PXK: variants seen among roughly 807,000 people sequenced by gnomAD.
PXK encodes PX domain containing serine/threonine kinase like.
PXK carries 35 observed loss-of-function variants against 84.7 expected under a neutral mutation model. That is an observed-to-expected ratio of 0.41 (90% CI 0.32 to 0.55). PXK has a LOEUF of 0.55. PXK is among the 20% of genes least tolerant of loss of function. The pLI is 0.21. For synonymous variants in PXK, 253 were observed against 260.8 expected, an observed-to-expected ratio of 0.97 and a Z score of 0.29; for missense variants, 634 against 699.7, an observed-to-expected ratio of 0.91 and a Z score of 1.06.
chr3:58,389,999 CAAAAA>C (rs61380830), intron 4 of PXK, among the ~76,000 whole-genome samples: 2 of 51,608 alleles, frequency 3.9e-5, no homozygotes, highest in African/African-American at 9.0e-5. Context: ...AACTCCGTCT[CAAAAA>C]AAAAAAAAAA....
At chr3:58,408,062 A>G (rs751986441) in intron 13 of PXK, among the ~76,000 whole-genome samples, 7 of 152,120 alleles carry the variant, frequency 4.6e-5, no homozygotes, top group Non-Finnish European at 8.8e-5. Flanking sequence ...GTGTAAGGTA[A>G]GGGTCCAACT....
chr3:58,411,040 A>G lies in PXK; in HGVS notation c.1465+881A>G, dbSNP rs79534988. On this transcript the variant is annotated intron_variant, in intron 16 of 17. Transcript: ENST00000356151. The surrounding 1 kb of genome is among the most constrained non-coding windows in gnomAD (Gnocchi z 4.2). ...ATCAGTCTCAACTTTGAGGAAACCC[A>G]TGCATCTCTTCCTAGCGGTAGGATT... Among the ~76,000 whole-genome samples, 1,334 of 152,304 alleles carry G rather than the reference A, an allele frequency of 8.8e-3. 24 individuals are homozygous for G. The highest frequency in any genetic ancestry group is 0.031 in the African/African-American group (1,280 of 41,564).
chr3:58,348,184 C>T (rs1287757926), intron 1 of PXK, among the ~76,000 whole-genome samples: 1 of 152,226 alleles, frequency 6.6e-6, no homozygotes, highest in East Asian at 1.9e-4. Flanking sequence ...GCTGGGATTA[C>T]AGGTGTGAGC....
intron 1 of PXK, among the ~76,000 whole-genome samples, chr3:58,346,656 T>C (rs1293381968): frequency 1.3e-5 from 2 of 151,952 alleles, no homozygotes; most frequent in African/African-American, 4.8e-5. Flanking sequence ...TATTTTTCTT[T>C]TTTCTTTTCT....
At chr3:58,351,120 A>G (rs2097913892) in intron 1 of PXK, among the ~76,000 whole-genome samples, 1 of 152,188 alleles carries the variant, frequency 6.6e-6, no homozygotes, top group African/African-American at 2.4e-5. Context: ...TGTCAAAGGA[A>G]AAAAGGTGCA....
chr3:58,396,205 A>C (rs1043898661), intron 9 of PXK, among the ~76,000 whole-genome samples: 3 of 152,166 alleles, frequency 2.0e-5, no homozygotes, highest in Admixed American at 2.0e-4. Context: ...TAACCAATTT[A>C]ATATCCCAAT....
rs113902473 is a variant in PXK, at chr3:58,370,897, C to T, written c.201+1419C>T. Among the ~76,000 whole-genome samples the T allele has an allele frequency of 0.021, 3,247 of 152,226 alleles. 123 individuals are homozygous for T. The highest frequency in any genetic ancestry group is 0.074 in the African/African-American group (3,074 of 41,524). On this transcript the variant is annotated intron_variant, in intron 3 of 17. Coordinates refer to ENST00000356151, the MANE Select transcript of PXK (RefSeq NM_017771.5). The surrounding 1 kb of genome is among the most constrained non-coding windows in gnomAD (Gnocchi z 4.2). ...CCTGTAATCCCAGCTACTCAGGGGG[C>T]TGAGGCAGGAGAACCGCCTGAACCC...
chr3:58,335,018 G>GGTGTGTGTGT (rs375780661), intron 1 of PXK, among the ~76,000 whole-genome samples: 1,358 of 106,514 alleles, frequency 0.013, 11 homozygotes, highest in Non-Finnish European at 0.016. Flanking sequence ...TGTCCAGGCT[G>GGTGTGTGTGT]GTGTGTGTGT....
rs529432955 is a variant in PXK at position 58,371,508 on chromosome 3, G to A, written c.201+2030G>A. ...ACCTTTGCTTGTGCATAAAGGGGGC[G>A]TGATCTTTGTACAATGTCATTCAGC... On this transcript the variant is annotated intron_variant, in intron 3 of 17. Transcript: ENST00000356151. Among the ~76,000 whole-genome samples the A allele has an allele frequency of 2.1e-4, 32 of 152,324 alleles. 1 individual carries two copies. The South Asian group carries it at 5.8e-3, about 28-fold the overall frequency.
At chr3:58,378,512 T>TTGTGTGTGTGTGTG (rs71091375) in intron 3 of PXK, among the ~76,000 whole-genome samples, 57 of 28,728 alleles carry the variant, frequency 2.0e-3, no homozygotes, top group Non-Finnish European at 2.2e-3. Context: ...TTTTTTTTTT[T>TTGTGTGTGTGTGTG]TGTGTGTGTG....
At chr3:58,356,462 T>C (rs1456370816) in intron 1 of PXK, among the ~76,000 whole-genome samples, 2 of 152,044 alleles carry the variant, frequency 1.3e-5, no homozygotes, top group African/African-American at 2.4e-5. Flanking sequence ...GAATGATTCA[T>C]TGGAGGATCC....
chr3:58,421,548 C>G lies in PXK; in HGVS notation c.1529-3204C>G, dbSNP rs1420672305. ...TGAGCCGAGATCGCGCCACTGCACT[C>G]CAGCCTGGGCAACAGAGCGAGACTC... On this transcript the variant is annotated intron_variant, in intron 17 of 17. Transcript: ENST00000356151. This position sits in a 1 kb window ranked among gnomAD's most constrained non-coding sequence, Gnocchi z 5.5. The G allele has an allele frequency of 2.1e-6, 2 of 968,384 alleles. No individual in the cohort carries two copies. The highest frequency in any genetic ancestry group is 4.8e-5 in the South Asian group (1 of 20,970). The allele number at this position is 968,384 out of a possible 1,614,324, so 60.0% of individuals were successfully genotyped here. A position where few individuals can be genotyped will look rare whatever the true frequency, so the allele number is the denominator to read the frequency against.
intron 1 of PXK, among the ~76,000 whole-genome samples, chr3:58,344,127 G>T (rs2097778709): frequency 6.6e-6 from 1 of 152,186 alleles, no homozygotes; most frequent in African/African-American, 2.4e-5. Context: ...GTAAAGTGAG[G>T]ATAGAAAGAG....
chr3:58,377,425 T>A (rs2098452573), intron 3 of PXK, among the ~76,000 whole-genome samples: 1 of 152,064 alleles, frequency 6.6e-6, no homozygotes, highest in African/African-American at 2.4e-5. Context: ...TAAGCACAAG[T>A]CTAGAATAGT....
At chr3:58,420,671 G>C in intron 17 of PXK, 1 of 1,519,986 alleles carries the variant, frequency 6.6e-7, no homozygotes, top group Non-Finnish European at 8.8e-7. Context: ...GAACAAGTGG[G>C]AAAGCAGATT....
intron 3 of PXK, among the ~76,000 whole-genome samples, chr3:58,376,629 A>ATTAT (rs71625619): frequency 0.037 from 5,569 of 151,528 alleles, 149 homozygotes; most frequent in Non-Finnish European, 0.053. Context: ...ATTACCCTTT[A>ATTAT]TTATTTATTT....
At position 58,425,019 on chromosome 3, in the gene PXK, C is replaced by G. The variant is rs571929806; in HGVS notation, c.*59C>G. 2.5e-6 allele frequency: 4 copies of G among 1,582,846 alleles called. No homozygotes were observed. Among genetic ancestry groups the G allele is most frequent in the South Asian group, 1.2e-5 (1 of 86,052 alleles). ...TTTTTATTCCTACTCACCCCTACCC[C>G]CCAAACTACCCTCTTCCTGGGAAAG... On this transcript the variant is annotated 3_prime_UTR_variant, in exon 18 of 18. Transcript: ENST00000356151.
At chr3:58,341,311 C>T (rs2097726194) in intron 1 of PXK, among the ~76,000 whole-genome samples, 2 of 152,162 alleles carry the variant, frequency 1.3e-5, no homozygotes, top group Non-Finnish European at 2.9e-5. Context: ...CCTGAAATGC[C>T]AGCACTTTGG....
intron 1 of PXK, among the ~76,000 whole-genome samples, chr3:58,357,682 C>T (rs930639372): frequency 3.3e-5 from 5 of 152,196 alleles, no homozygotes; most frequent in African/African-American, 1.2e-4. Context: ...TTGTGGCTGA[C>T]ACCTATATGT....
Sources: gnomAD v4.1 joint callset for allele counts (sites outside exome capture counted in the v4.1 genomes callset) on GRCh38, gnomAD v4.1.1 for gene constraint, Gnocchi (gnomAD v3.1) non-coding constraint, MANE v1.5 for transcripts, NCBI Gene and HGNC (gene_info 2026-07-23, HGNC 2026-07-21) for gene names.